The following MRPS27 variants were observed in gnomAD, a reference collection of about 807,000 sequenced individuals.
MRPS27 encodes the protein small ribosomal subunit protein mS27.
A neutral mutation model predicts 48.9 loss-of-function variants in MRPS27; 43 were observed. The ratio of observed to expected loss-of-function variants is 0.88; its 90% CI spans 0.69 to 1.13. MRPS27 has a LOEUF of 1.13. Ranked by LOEUF, MRPS27 falls within the 50% of genes most tolerant of loss-of-function variation. The pLI is 0.00. For missense variants in MRPS27, 467 were observed against 476.3 expected (o/e 0.98, Z 0.18); for synonymous variants, 188 against 171.9 (o/e 1.09, Z -0.73).
intron 6 of MRPS27, 86 bp downstream of exon 6, chr5:72,234,033 T>G: frequency 7.6e-7 from 1 of 1,311,062 alleles, no homozygotes; most frequent in Non-Finnish European, 9.9e-7. Context: ...TATTAAGAAA[T>G]AAAAAAGGGG....
intron 4 of MRPS27, among the ~76,000 whole-genome samples, chr5:72,269,930 C>T (rs947648335): frequency 2.6e-5 from 4 of 152,032 alleles, no homozygotes; most frequent in Non-Finnish European, 4.4e-5. Context: ...CGGTGGCTCA[C>T]GCCTGTAATC....
intron 9 of MRPS27, among the ~76,000 whole-genome samples, chr5:72,225,544 C>T (rs1423184672): frequency 2.0e-5 from 3 of 152,108 alleles, no homozygotes; most frequent in African/African-American, 4.8e-5. Flanking sequence ...GTAGTGTTCT[C>T]GTCCTGGTAA....
At chr5:72,297,805 T>G (rs1408652342) in intron 2 of MRPS27, 103 bp from the exon 3 acceptor site, 1 of 511,066 alleles carries the variant, frequency 2.0e-6, no homozygotes, top group Admixed American at 4.0e-5. Context: ...AAACGTTCTT[T>G]CTTGCTTTTT....
chr5:72,229,675 T>G (rs1277777415), intron 7 of MRPS27: 4 of 152,732 alleles, frequency 2.6e-5, no homozygotes, highest in African/African-American at 9.6e-5. Context: ...ATACCTTTGA[T>G]GTGTTAGGAG....
At chr5:72,315,722 A>G (rs1447199092) in intron 1 of MRPS27, among the ~76,000 whole-genome samples, 2 of 152,204 alleles carry the variant, frequency 1.3e-5, no homozygotes, top group African/African-American at 2.4e-5. Flanking sequence ...CAAAAAACAG[A>G]TAATGACAAC....
chr5:72,234,986 C>T (rs1188458309), intron 5 of MRPS27, among the ~76,000 whole-genome samples: 1 of 152,096 alleles, frequency 6.6e-6, no homozygotes, highest in African/African-American at 2.4e-5. Flanking sequence ...CCTCTTGGAA[C>T]CAGTAGAAAC....
At chr5:72,299,424 A>G (rs1360345160) in intron 2 of MRPS27, among the ~76,000 whole-genome samples, 3 of 152,338 alleles carry the variant, frequency 2.0e-5, no homozygotes, top group East Asian at 3.9e-4. Context: ...CCCCCCAAAA[A>G]AAGAAATTAG....
chr5:72,304,402 A>G (rs1294225062), intron 2 of MRPS27, among the ~76,000 whole-genome samples: 1 of 152,236 alleles, frequency 6.6e-6, no homozygotes, highest in Non-Finnish European at 1.5e-5. Context: ...TCTAGTTAAA[A>G]GATAATGATT....
At chr5:72,243,658 C>T (rs1218900776) in intron 4 of MRPS27, among the ~76,000 whole-genome samples, 1 of 152,162 alleles carries the variant, frequency 6.6e-6, no homozygotes, top group Non-Finnish European at 1.5e-5. Flanking sequence ...GCTAGAGTCC[C>T]CTCCAAAACA....
At chr5:72,298,394 G>C (rs1250463203) in intron 2 of MRPS27, among the ~76,000 whole-genome samples, 1 of 152,144 alleles carries the variant, frequency 6.6e-6, no homozygotes, top group Non-Finnish European at 1.5e-5. Flanking sequence ...TGCTGGCAAG[G>C]CTGCAGAGAT....
In MRPS27 at chr5:72,221,089, C is replaced by T; in HGVS notation, c.1065G>A (p.Leu355=). The T allele has an allele frequency of 6.2e-7, 1 of 1,614,128 alleles. No individual in the cohort carries two copies. ...GTTTTTCCTTGACAAGCTGGGTGGT[C>T]AGACTTAAAAGACCTTCTGACTCAA... ...GKIESEGLLS[L]TTQLVKEKLS... Residue 355 remains leucine (L), a synonymous_variant, in exon 11 of 11, where the codon CTG becomes CTA. Coordinates refer to ENST00000261413, the MANE Select transcript of MRPS27 (RefSeq NM_015084.3).
intron 4 of MRPS27, among the ~76,000 whole-genome samples, chr5:72,286,667 AC>A: frequency 6.6e-6 from 1 of 152,250 alleles, no homozygotes; most frequent in East Asian, 1.9e-4. Context: ...ATTCTTTTAA[AC>A]AAATATAAAA....
intron 4 of MRPS27, among the ~76,000 whole-genome samples, chr5:72,287,040 G>A (rs1749690008): frequency 6.6e-6 from 1 of 152,122 alleles, no homozygotes; most frequent in Admixed American, 6.5e-5. Context: ...GGGTGGGTGA[G>A]CATTACCGCC....
At chr5:72,246,661 G>C (rs755232262) in intron 4 of MRPS27, among the ~76,000 whole-genome samples, 1 of 152,038 alleles carries the variant, frequency 6.6e-6, no homozygotes, top group Non-Finnish European at 1.5e-5. Context: ...GTGCTGGTAG[G>C]GACTTTCAAT....
chr5:72,316,696 G>T (rs189236477), intron 1 of MRPS27, among the ~76,000 whole-genome samples: 1 of 149,618 alleles, frequency 6.7e-6, no homozygotes, highest in East Asian at 2.1e-4. Flanking sequence ...TGGATGAATT[G>T]TATGGCATGT....
chr5:72,222,397 G>A (rs964717375), intron 10 of MRPS27: 10 of 152,314 alleles, frequency 6.6e-5, no homozygotes, highest in Middle Eastern at 3.4e-3. Context: ...GAGCTCTTGC[G>A]AGGAGAAATG....
chr5:72,240,947 C>T (rs1314431151), intron 4 of MRPS27, among the ~76,000 whole-genome samples: 1 of 152,236 alleles, frequency 6.6e-6, no homozygotes, highest in Admixed American at 6.5e-5. Context: ...TACTCCCTCT[C>T]CTATCCTGGG....
At chr5:72,284,966 G>C (rs1305536858) in intron 4 of MRPS27, among the ~76,000 whole-genome samples, 1 of 152,114 alleles carries the variant, frequency 6.6e-6, no homozygotes. Flanking sequence ...TGTATCAGGA[G>C]GTTAAATTCC....
chr5:72,282,557 A>G (rs1749558326), intron 4 of MRPS27, among the ~76,000 whole-genome samples: 1 of 152,184 alleles, frequency 6.6e-6, no homozygotes, highest in Admixed American at 6.5e-5. Flanking sequence ...TAGAAAAAAA[A>G]GAACTTGGAT....
Sources: gnomAD v4.1 joint callset for allele counts (sites outside exome capture counted in the v4.1 genomes callset) on GRCh38, gnomAD v4.1.1 for gene constraint, MANE v1.5 for transcripts, NCBI Gene and HGNC (gene_info 2026-07-23, HGNC 2026-07-21) for gene names.